PXK: variants seen among roughly 807,000 people sequenced by gnomAD.
PXK encodes PX domain-containing protein kinase-like protein.
In PXK, 35 loss-of-function variants were observed where a neutral mutation model predicts 84.7. The observed-to-expected ratio is 0.41, with a 90% CI of 0.32 to 0.55. PXK has a LOEUF of 0.55. Ranked by LOEUF, PXK falls within the 20% of genes least tolerant of loss-of-function variation. The pLI, the probability that PXK is intolerant of heterozygous loss-of-function variation, is 0.21. For missense variants in PXK, 634 were observed against 699.7 expected (o/e 0.91, Z 1.06); for synonymous variants, 253 against 260.8 (o/e 0.97, Z 0.29).
chr3:58,419,279 T>C (rs1462838970), intron 17 of PXK, among the ~76,000 whole-genome samples: 4 of 152,218 alleles, frequency 2.6e-5, no homozygotes, highest in Non-Finnish European at 5.9e-5. Context: ...GAGATGGAGT[T>C]TCACTCTTGT....
chr3:58,415,818 G>A (rs933718083), intron 17 of PXK, among the ~76,000 whole-genome samples: 1 of 152,190 alleles, frequency 6.6e-6, no homozygotes, highest in Admixed American at 6.5e-5. Context: ...TAACGGTGGG[G>A]TAAATTTCAG....
intron 3 of PXK, among the ~76,000 whole-genome samples, chr3:58,378,500 T>TG (rs2098463610): frequency 2.3e-5 from 1 of 43,078 alleles, no homozygotes; most frequent in Non-Finnish European, 5.6e-5. Flanking sequence ...TTCTTTTTTT[T>TG]TTTTTTTTTT....
At chr3:58,336,675 T>C (rs1480055249) in intron 1 of PXK, among the ~76,000 whole-genome samples, 2 of 152,210 alleles carry the variant, frequency 1.3e-5, no homozygotes, top group African/African-American at 4.8e-5. Flanking sequence ...TTAAAGTTAG[T>C]AGACTAAAAA....
At position 58,412,467 on chromosome 3, in the gene PXK, C is replaced by G. The variant is rs1041082092; in HGVS notation, c.1466-434C>G. Among the ~76,000 whole-genome samples, 1 of 152,106 alleles carries G rather than the reference C, an allele frequency of 6.6e-6. No homozygotes were observed. Among genetic ancestry groups the G allele is most frequent in the Non-Finnish European group, 1.5e-5 (1 of 68,026 alleles). ...AATGGAACTTCGGCAGAATGCGTTACTGGGTGGATGCTGTACGGGGCACTC... is the reference window on the plus strand; with the variant it reads ...AATGGAACTTCGGCAGAATGCGTTAGTGGGTGGATGCTGTACGGGGCACTC... On this transcript the variant is annotated intron_variant, in intron 16 of 17. Coordinates refer to ENST00000356151, the MANE Select transcript of PXK (RefSeq NM_017771.5). The surrounding 1 kb of genome is among the most constrained non-coding windows in gnomAD (Gnocchi z 6.2).
intron 1 of PXK, among the ~76,000 whole-genome samples, chr3:58,337,625 A>G (rs942335336): frequency 6.6e-6 from 1 of 152,080 alleles, no homozygotes; most frequent in Non-Finnish European, 1.5e-5. Context: ...ATGCACCACC[A>G]TACCTGGCTA....
At chr3:58,377,381 C>T (rs531390110) in intron 3 of PXK, among the ~76,000 whole-genome samples, 1 of 152,222 alleles carries the variant, frequency 6.6e-6, no homozygotes, top group African/African-American at 2.4e-5. Context: ...ACCTTACCCT[C>T]GATCAATACA....
chr3:58,401,909 AAAAT>A lies in PXK; in HGVS notation c.1182-1949_1182-1946del, dbSNP rs1200289947. On this transcript the variant is annotated intron_variant, in intron 12 of 17. Transcript: ENST00000356151. The surrounding 1 kb of genome is among the most constrained non-coding windows in gnomAD (Gnocchi z 4.4). ...ATCTCAAAAAAATAAAATAAAATAA[AAAAT>A]AAAACAAACTGGGGGCGCAGGATAT... Among the ~76,000 whole-genome samples the A allele has an allele frequency of 2.0e-5, 3 of 152,042 alleles. No individual in the cohort carries two copies. Among genetic ancestry groups the A allele is most frequent in the African/African-American group, 7.3e-5 (3 of 41,376 alleles).
intron 9 of PXK, among the ~76,000 whole-genome samples, chr3:58,396,673 C>T (rs1183209356): frequency 2.0e-5 from 3 of 152,214 alleles, no homozygotes; most frequent in South Asian, 2.1e-4. Flanking sequence ...GATAAGATAG[C>T]TTCACTCATC....
intron 1 of PXK, among the ~76,000 whole-genome samples, chr3:58,335,018 GGTGTGTGTGT>G (rs375780661): frequency 1.9e-4 from 20 of 106,562 alleles, no homozygotes; most frequent in East Asian, 8.9e-4. Flanking sequence ...TGTCCAGGCT[GGTGTGTGTGT>G]GTGTGTGTGT....
At chr3:58,424,307 T>C (rs2062469429) in intron 17 of PXK, among the ~76,000 whole-genome samples, 1 of 152,208 alleles carries the variant, frequency 6.6e-6, no homozygotes, top group African/African-American at 2.4e-5. Context: ...TCACCCCTTA[T>C]GAATAACTGA....
At chr3:58,347,557 A>G (rs2097846814) in intron 1 of PXK, among the ~76,000 whole-genome samples, 1 of 152,102 alleles carries the variant, frequency 6.6e-6, no homozygotes, top group Non-Finnish European at 1.5e-5. Context: ...CTATGATGTT[A>G]TATGTTTCTT....
Position 58,397,034 on chromosome 3 carries a change from G to C in PXK, c.823-5G>C, listed in dbSNP as rs753828373. 1.9e-6 allele frequency: 3 copies of C among 1,605,454 alleles called. No individual in the cohort carries two copies. The African/African-American group carries it at 4.0e-5, about 21-fold the overall frequency. The stretch of plus-strand genomic sequence containing the variant: ...AAAATGTAACTTTCCCATATGTTTT[G>C]ATAGGTACTGAAGTTTCTTCATGAC... On this transcript the variant is annotated splice_polypyrimidine_tract_variant and splice_region_variant and intron_variant, in intron 9 of 17. Coordinates refer to ENST00000356151, the MANE Select transcript of PXK (RefSeq NM_017771.5). This position sits in a 1 kb window ranked among gnomAD's most constrained non-coding sequence, Gnocchi z 4.7.
intron 1 of PXK, among the ~76,000 whole-genome samples, chr3:58,352,311 T>A (rs917969899): frequency 1.3e-5 from 2 of 152,116 alleles, no homozygotes; most frequent in Non-Finnish European, 2.9e-5. Flanking sequence ...GGTACTCAGG[T>A]CAGTGCCAGT....
rs2060710001 is a variant in PXK, at chr3:58,414,704, A to T, written c.1528+1741A>T. On this transcript the variant is annotated intron_variant, in intron 17 of 17. Coordinates refer to ENST00000356151, the MANE Select transcript of PXK (RefSeq NM_017771.5). The surrounding 1 kb of genome is among the most constrained non-coding windows in gnomAD (Gnocchi z 4.5). ...AGTGAGAGTGCCTGGCAGAGATGAG[A>T]GGTTCCCAGCAAATATTGGCTCCTC... 6.6e-6 allele frequency among the ~76,000 whole-genome samples: 1 copy of T among 152,114 alleles called. No homozygotes were observed. The highest frequency in any genetic ancestry group is 1.5e-5 in the Non-Finnish European group (1 of 68,036).
chr3:58,395,444 C>T (rs967960538), intron 8 of PXK, among the ~76,000 whole-genome samples: 1 of 152,188 alleles, frequency 6.6e-6, no homozygotes, highest in Admixed American at 6.5e-5. Flanking sequence ...AAGGGCAAGA[C>T]CAGGCACATC....
At chr3:58,343,540 T>C (rs2097770368) in intron 1 of PXK, among the ~76,000 whole-genome samples, 1 of 152,180 alleles carries the variant, frequency 6.6e-6, no homozygotes, top group Non-Finnish European at 1.5e-5. Flanking sequence ...CAGTCGCTGC[T>C]CTAGGGGCTC....
chr3:58,353,778 G>C (rs77480019), intron 1 of PXK, among the ~76,000 whole-genome samples: 5 of 152,320 alleles, frequency 3.3e-5, no homozygotes, highest in South Asian at 2.1e-4. Context: ...AGGGGCATAA[G>C]TAAGGGATAT....
chr3:58,346,845 G>A (rs963143650), intron 1 of PXK, among the ~76,000 whole-genome samples: 1 of 150,852 alleles, frequency 6.6e-6, no homozygotes, highest in African/African-American at 2.4e-5. Context: ...TTTTTGGGAG[G>A]GTGGGGTGGG....
intron 4 of PXK, among the ~76,000 whole-genome samples, chr3:58,386,063 T>C (rs1010739027): frequency 5.9e-5 from 9 of 152,036 alleles, no homozygotes; most frequent in African/African-American, 2.2e-4. Flanking sequence ...CTTCCCTGGG[T>C]CCCCAGCCTG....
Sources: gnomAD v4.1 joint callset for allele counts (sites outside exome capture counted in the v4.1 genomes callset) on GRCh38, gnomAD v4.1.1 for gene constraint, Gnocchi (gnomAD v3.1) non-coding constraint, MANE v1.5 for transcripts, NCBI Gene and HGNC (gene_info 2026-07-23, HGNC 2026-07-21) for gene names.